FGF1: variants seen among roughly 807,000 people sequenced by gnomAD.
FGF1 encodes fibroblast growth factor 1.
A neutral mutation model predicts 13.4 loss-of-function variants in FGF1; 9 were observed. The ratio of observed to expected loss-of-function variants is 0.67; its 90% CI spans 0.40 to 1.17. The LOEUF (loss-of-function observed/expected upper bound fraction) is 1.17. FGF1 is among the 50% of genes most tolerant of loss of function. The pLI, the probability that FGF1 is intolerant of heterozygous loss-of-function variation, is 0.01. For synonymous variants in FGF1, 93 were observed against 79.0 expected (o/e 1.18, Z -0.94); for missense variants, 156 against 192.7 (o/e 0.81, Z 1.13).
chr5:142,682,787 A>G (rs1276286516), intron 1 of FGF1, among the ~76,000 whole-genome samples: 2 of 152,192 alleles, frequency 1.3e-5, no homozygotes, highest in African/African-American at 2.4e-5. Flanking sequence ...GCTGGGTTTA[A>G]ACCATGGTGT....
chr5:142,594,530 C>T lies in FGF1; in HGVS notation c.*760G>A, dbSNP rs968425886. ...CAGTCCCCAGATCCACATGAATTTCCCAGCTCTGATATCCTTGCTTGTTAT... is the reference window on the plus strand; with the variant it reads ...CAGTCCCCAGATCCACATGAATTTCTCAGCTCTGATATCCTTGCTTGTTAT... On this transcript the variant is annotated 3_prime_UTR_variant, in exon 4 of 4. Transcript: ENST00000337706. The T allele has an allele frequency of 6.6e-6, 1 of 152,258 alleles. No homozygotes were observed. Among genetic ancestry groups the T allele is most frequent in the African/African-American group, 2.4e-5 (1 of 41,424 alleles). The allele number at this position is 152,258 out of a possible 1,614,324, so 9.4% of individuals were successfully genotyped here.
intron 2 of FGF1, among the ~76,000 whole-genome samples, chr5:142,694,029 G>GTT (rs113510424): frequency 8.3e-5 from 12 of 144,282 alleles, no homozygotes; most frequent in African/African-American, 2.3e-4. Context: ...GTCTAGCAGT[G>GTT]TTTTTTTTTT....
chr5:142,647,957 C>T (rs190871568), intron 1 of FGF1, among the ~76,000 whole-genome samples: 2,494 of 152,154 alleles, frequency 0.016, 38 homozygotes, highest in Non-Finnish European at 0.024. Context: ...TGGTGGTGCG[C>T]ACCTGTAATC....
rs894935389 is a variant in FGF1, at chr5:142,594,238, A to T, written c.*1052T>A. On this transcript the variant is annotated 3_prime_UTR_variant, in exon 4 of 4. Transcript: ENST00000337706. ...CGGGTAAGGCAGCAGTATTGTCAGC[A>T]CCTGCACCTGGGGGGGACCTGATGG... 3 of 152,108 alleles carry T rather than the reference A, an allele frequency of 2.0e-5. No individual in the cohort carries two copies. The highest frequency in any genetic ancestry group is 2.9e-5 in the Non-Finnish European group (2 of 68,076). 9.4% of individuals were successfully genotyped at this position (152,108 alleles called of 1,614,324 possible).
intron 3 of FGF1, among the ~76,000 whole-genome samples, chr5:142,595,775 C>G (rs975770881): frequency 6.6e-6 from 1 of 152,224 alleles, no homozygotes; most frequent in South Asian, 2.1e-4. Flanking sequence ...AAGAGCACTT[C>G]TAAGAGTCCT....
At chr5:142,619,703 C>T (rs17217170) in intron 1 of FGF1, among the ~76,000 whole-genome samples, 10,185 of 151,942 alleles carry the variant, frequency 0.067, 418 homozygotes, top group East Asian at 0.18. Context: ...CATGGTGGCG[C>T]ATGCCTGTAA....
chr5:142,638,257 A>G (rs1273143646), intron 1 of FGF1, among the ~76,000 whole-genome samples: 3 of 151,798 alleles, frequency 2.0e-5, no homozygotes, highest in Non-Finnish European at 4.4e-5. Context: ...GCTTACTCTC[A>G]CCTTGAGCCT....
intron 1 of FGF1, among the ~76,000 whole-genome samples, chr5:142,664,948 G>T (rs570356691): frequency 6.6e-6 from 1 of 152,292 alleles, no homozygotes; most frequent in East Asian, 1.9e-4. Flanking sequence ...GTTACGTAAG[G>T]TGCTTAACAC....
rs1422098985 is a variant in FGF1, at chr5:142,594,778, A to AG, written c.*511dup. 1 of 152,496 alleles carries AG rather than the reference A, an allele frequency of 6.6e-6. No individual in the cohort carries two copies. The highest frequency in any genetic ancestry group is 1.5e-5 in the Non-Finnish European group (1 of 68,354). The allele number at this position is 152,496 out of a possible 1,614,324, so 9.4% of individuals were successfully genotyped here. On this transcript the variant is annotated 3_prime_UTR_variant, in exon 4 of 4. Transcript: ENST00000337706. Reference sequence around the variant, plus strand: ...TCCATTTTAAATGCCTCTGTTCTGAAGGGGGGATTTCTTTGTCCCTGTTTC... The same window carrying AG: ...TCCATTTTAAATGCCTCTGTTCTGAAGGGGGGGATTTCTTTGTCCCTGTTTC...
In FGF1 at chr5:142,593,441, C is replaced by G. The variant is rs990681084; in HGVS notation, c.*1849G>C. 2 of 152,202 alleles carry G rather than the reference C, an allele frequency of 1.3e-5. No individual in the cohort carries two copies. The highest frequency in any genetic ancestry group is 4.8e-5 in the African/African-American group (2 of 41,458). 9.4% of individuals were successfully genotyped at this position (152,202 alleles called of 1,614,324 possible). A position where few individuals can be genotyped will look rare whatever the true frequency, so the allele number is the denominator to read the frequency against. ...TACTTAGGTCAATTCTTCAATTGCA[C>G]TATTGCTTTGAACTTTCACAAACTG... On this transcript the variant is annotated 3_prime_UTR_variant, in exon 4 of 4. Coordinates refer to ENST00000337706, the MANE Select transcript of FGF1 (RefSeq NM_000800.5).
chr5:142,672,956 G>T (rs9324891), intron 1 of FGF1, among the ~76,000 whole-genome samples: 28,908 of 152,146 alleles, frequency 0.19, 2,987 homozygotes, highest in African/African-American at 0.23. Context: ...CATCATCAGT[G>T]AAAAGGATTA....
intron 1 of FGF1, among the ~76,000 whole-genome samples, chr5:142,681,963 C>T (rs1773791294): frequency 6.6e-6 from 1 of 152,188 alleles, no homozygotes; most frequent in African/African-American, 2.4e-5. Flanking sequence ...TACATGTGAA[C>T]AAAGCTCCAT....
chr5:142,641,386 G>C (rs1333582509), intron 1 of FGF1, among the ~76,000 whole-genome samples: 1 of 151,954 alleles, frequency 6.6e-6, no homozygotes, highest in Non-Finnish European at 1.5e-5. Context: ...TCCTTTTTCT[G>C]TGGGGGTTAA....
At chr5:142,597,467 A>G (rs559941627) in intron 3 of FGF1, among the ~76,000 whole-genome samples, 2 of 152,334 alleles carry the variant, frequency 1.3e-5, no homozygotes, top group Non-Finnish European at 2.9e-5. Flanking sequence ...GAGTGCAGTT[A>G]CTTGAAAAAA....
At chr5:142,636,387 T>C (rs1223167898) in intron 1 of FGF1, among the ~76,000 whole-genome samples, 1 of 152,250 alleles carries the variant, frequency 6.6e-6, no homozygotes, top group Admixed American at 6.5e-5. Flanking sequence ...TGAGGTCCTG[T>C]TACATTTCAG....
Position 142,594,283 on chromosome 5 carries a change from C to G in FGF1, c.*1007G>C, listed in dbSNP as rs1000320771. 3 of 152,428 alleles carry G rather than the reference C, an allele frequency of 2.0e-5. No individual in the cohort carries two copies. In the East Asian group the frequency reaches 5.8e-4, roughly 29 times the overall value. The allele number at this position is 152,428 out of a possible 1,614,324, so 9.4% of individuals were successfully genotyped here. ...TGATGGAACTGCAGAAACTCTGCCC[C>G]CAACCCACTGAATCAGAATCTCCAT... On this transcript the variant is annotated 3_prime_UTR_variant, in exon 4 of 4. Transcript: ENST00000337706.
At chr5:142,624,216 G>A (rs1166793427) in intron 1 of FGF1, among the ~76,000 whole-genome samples, 2 of 152,092 alleles carry the variant, frequency 1.3e-5, no homozygotes, top group Non-Finnish European at 2.9e-5. Flanking sequence ...CACCATGCCC[G>A]GCTGTCTGGC....
chr5:142,594,893 G>A lies in FGF1; in HGVS notation c.*397C>T, dbSNP rs1156612869. Reference sequence around the variant, plus strand: ...GGAAGGACAAAAGGGAGCCATGCCAGATGTTTGGGGGAATCACAGATAGGG... The same window carrying A: ...GGAAGGACAAAAGGGAGCCATGCCAAATGTTTGGGGGAATCACAGATAGGG... On this transcript the variant is annotated 3_prime_UTR_variant, in exon 4 of 4. Coordinates refer to ENST00000337706, the MANE Select transcript of FGF1 (RefSeq NM_000800.5). 6.3e-6 allele frequency: 1 copy of A among 159,434 alleles called. No homozygotes were observed. The highest frequency in any genetic ancestry group is 1.4e-5 in the Non-Finnish European group (1 of 73,054). The allele number at this position is 159,434 out of a possible 1,614,324, so 9.9% of individuals were successfully genotyped here.
chr5:142,665,299 C>G (rs1316081956), intron 1 of FGF1, among the ~76,000 whole-genome samples: 1 of 152,066 alleles, frequency 6.6e-6, no homozygotes, highest in Non-Finnish European at 1.5e-5. Context: ...CTCGTCCACC[C>G]CCTTGCCCTT....
Sources: gnomAD v4.1 joint callset for allele counts (sites outside exome capture counted in the v4.1 genomes callset) on GRCh38, gnomAD v4.1.1 for gene constraint, MANE v1.5 for transcripts, NCBI Gene and HGNC (gene_info 2026-07-23, HGNC 2026-07-21) for gene names.